Variants in GPC3 observed in about 807,000 individuals in gnomAD.
The protein encoded by GPC3 is glypican 3.
Under a neutral mutation model 34.4 loss-of-function variants are expected in GPC3, and 3 were observed. That is an observed-to-expected ratio of 0.09 (90% confidence interval 0.04 to 0.23). The LOEUF (loss-of-function observed/expected upper bound fraction) is 0.23, where lower values mean the gene tolerates loss of function less well. GPC3 is among the 10% of genes least tolerant of loss of function. GPC3 has a pLI of 1.00. For missense variants in GPC3, 351 were observed against 445.6 expected (o/e 0.79, Z 1.91); for synonymous variants, 177 against 174.0 (o/e 1.02, Z -0.13).
At chrX:133,750,200 A>T (rs2071651901) in intron 3 of GPC3, among the ~76,000 whole-genome samples, 1 of 111,838 alleles carries the variant, frequency 8.9e-6, no homozygotes, top group Non-Finnish European at 1.9e-5. Flanking sequence ...CCTGAATGAT[A>T]ATGACATGAA....
chrX:133,642,790 A>AAAAG (rs1569403954), intron 6 of GPC3, among the ~76,000 whole-genome samples: 2 of 106,059 alleles, frequency 1.9e-5, no homozygotes, highest in East Asian at 2.9e-4. Flanking sequence ...AAAAAAAAAA[A>AAAAG]AAAGAAAGAA....
intron 2 of GPC3, among the ~76,000 whole-genome samples, chrX:133,768,640 G>A (rs1202466890): frequency 8.9e-6 from 1 of 111,781 alleles, no homozygotes; most frequent in East Asian, 2.8e-4. Context: ...CAGATGAATG[G>A]ACAAAGAAAA....
At chrX:133,881,504 C>T (rs982835363) in intron 2 of GPC3, among the ~76,000 whole-genome samples, 7 of 112,107 alleles carry the variant, frequency 6.2e-5, no homozygotes, top group African/African-American at 1.6e-4. Context: ...AATTAGCAAA[C>T]GCATTTATCA....
intron 2 of GPC3, among the ~76,000 whole-genome samples, chrX:133,897,572 CTT>C (rs995714645): frequency 9.1e-6 from 1 of 110,466 alleles, no homozygotes; most frequent in Non-Finnish European, 1.9e-5. Context: ...AAGGTGTTTT[CTT>C]TTCTATCAGA....
At chrX:133,671,068 C>A in intron 5 of GPC3, 1 of 588,514 alleles carries the variant, frequency 1.7e-6, no homozygotes, top group Non-Finnish European at 3.0e-6. Context: ...CCCAGGAAGG[C>A]AACAGTGCCT....
At chrX:133,610,117 T>G (rs2070094724) in intron 6 of GPC3, among the ~76,000 whole-genome samples, 1 of 112,049 alleles carries the variant, frequency 8.9e-6, no homozygotes, top group Non-Finnish European at 1.9e-5. Flanking sequence ...TGTAACCAAG[T>G]CCAGCTAATT....
chrX:133,538,754 G>A (rs1455190405), intron 7 of GPC3, among the ~76,000 whole-genome samples: 2 of 103,249 alleles, frequency 1.9e-5, no homozygotes, highest in Non-Finnish European at 3.9e-5. Flanking sequence ...ATGCAGCCTC[G>A]ATTTCCAGGG....
chrX:133,889,568 T>C (rs1389120718), intron 2 of GPC3, among the ~76,000 whole-genome samples: 1 of 111,890 alleles, frequency 8.9e-6, no homozygotes, highest in East Asian at 2.8e-4. Context: ...TATGTGTGTA[T>C]ACAATACATA....
chrX:133,731,987 A>C (rs1172949777), intron 3 of GPC3, among the ~76,000 whole-genome samples: 1 of 112,262 alleles, frequency 8.9e-6, no homozygotes, highest in Non-Finnish European at 1.9e-5. Flanking sequence ...TCACTTTCAA[A>C]TCCAAGGCCA....
chrX:133,779,814 A>G (rs2072027448), intron 2 of GPC3, among the ~76,000 whole-genome samples: 1 of 110,543 alleles, frequency 9.0e-6, no homozygotes, highest in Non-Finnish European at 1.9e-5. Context: ...CTCCTACCAC[A>G]TCCTGGTCCT....
chrX:133,652,719 C>T (rs2070616082), intron 6 of GPC3, among the ~76,000 whole-genome samples: 1 of 111,950 alleles, frequency 8.9e-6, no homozygotes, highest in Non-Finnish European at 1.9e-5. Flanking sequence ...CAGTTGAACA[C>T]TAGATCTCAA....
At chrX:133,919,603 C>T (rs993627856) in intron 2 of GPC3, among the ~76,000 whole-genome samples, 2 of 110,629 alleles carry the variant, frequency 1.8e-5, no homozygotes, top group South Asian at 3.9e-4. Context: ...GGGAGGATTG[C>T]CTGAGCCAAG....
intron 6 of GPC3, among the ~76,000 whole-genome samples, chrX:133,649,443 T>C (rs889276645): frequency 1.8e-5 from 2 of 111,451 alleles, no homozygotes; most frequent in Admixed American, 9.6e-5. Context: ...TCTCAGTATA[T>C]TATAATGAAA....
chrX:133,950,016 C>T (rs1191170550), intron 2 of GPC3, among the ~76,000 whole-genome samples: 1 of 111,405 alleles, frequency 9.0e-6, no homozygotes, highest in Non-Finnish European at 1.9e-5. Flanking sequence ...ATATAGTAGG[C>T]ACTTAATAAA....
chrX:133,959,566 C>T (rs1007804800), intron 1 of GPC3, among the ~76,000 whole-genome samples: 8 of 112,602 alleles, frequency 7.1e-5, no homozygotes, highest in African/African-American at 9.7e-5. Flanking sequence ...CTATCACTTG[C>T]TAGCTGCACA....
At chrX:133,623,947 T>G (rs1603199057) in intron 6 of GPC3, among the ~76,000 whole-genome samples, 1 of 111,515 alleles carries the variant, frequency 9.0e-6, no homozygotes, top group Non-Finnish European at 1.9e-5. Context: ...AACAGAAATT[T>G]TAACAAACTG....
At chrX:133,947,843 T>C (rs2076375691) in intron 2 of GPC3, among the ~76,000 whole-genome samples, 1 of 111,825 alleles carries the variant, frequency 8.9e-6, no homozygotes, top group Non-Finnish European at 1.9e-5. Context: ...ATGGTTTGAG[T>C]TCCTAAAATT....
In GPC3 at chrX:133,566,589, C is replaced by T. The variant is rs1045247367; in HGVS notation, c.1573+29851G>A. ...ACTGTTACCAAGCCTGAAAAACCTA[C>T]AAAGATCACATAGAGTATCACATTG... On this transcript the variant is annotated intron_variant, in intron 7 of 7. Coordinates refer to ENST00000370818, the MANE Select transcript of GPC3 (RefSeq NM_004484.4). Among the ~76,000 whole-genome samples the T allele has an allele frequency of 4.5e-5, 5 of 112,082 alleles. No homozygotes were observed. The East Asian group carries it at 1.4e-3, about 31-fold the overall frequency.
chrX:133,773,778 T>A (rs2071947009), intron 2 of GPC3, among the ~76,000 whole-genome samples: 1 of 111,642 alleles, frequency 9.0e-6, no homozygotes, highest in Non-Finnish European at 1.9e-5. Context: ...CTTTGATGAG[T>A]AATTCAGAAA....
Sources: allele counts gnomAD v4.1 joint callset (sites outside exome capture counted in the v4.1 genomes callset), GRCh38; gene constraint gnomAD v4.1.1; transcripts MANE v1.5; gene names NCBI Gene and HGNC (gene_info 2026-07-23, HGNC 2026-07-21).